The following MAGI2 variants were observed in gnomAD, a reference collection of about 807,000 sequenced individuals.
The protein encoded by MAGI2 is membrane associated guanylate kinase, WW and PDZ domain containing 2.
In MAGI2, 35 loss-of-function variants were observed where a neutral mutation model predicts 133.3. The ratio of observed to expected loss-of-function variants is 0.26; its 90% CI spans 0.20 to 0.35. The LOEUF (loss-of-function observed/expected upper bound fraction) is 0.35, where lower values mean the gene tolerates loss of function less well. MAGI2 is among the 10% of genes least tolerant of loss of function. MAGI2 has a pLI of 1.00. For synonymous variants in MAGI2, 729 were observed against 710.6 expected (o/e 1.03, Z -0.41); for missense variants, 1,636 against 1,863.4 (o/e 0.88, Z 2.25).
Position 78,780,757 on chromosome 7 carries a change from GTT to G in MAGI2, c.419-153520_419-153519del, listed in dbSNP as rs1826332380. ...GTTAATTGTAGTATTTGTCAGTTCTGTTTCAGTACCGGGCCATTAGGGAAACC... is the reference window on the plus strand; with the variant it reads ...GTTAATTGTAGTATTTGTCAGTTCTGTCAGTACCGGGCCATTAGGGAAACC... On this transcript the variant is annotated intron_variant, in intron 2 of 21. Coordinates refer to ENST00000354212, the MANE Select transcript of MAGI2 (RefSeq NM_012301.4). Among the ~76,000 whole-genome samples the G allele has an allele frequency of 3.3e-5, 5 of 152,290 alleles. No homozygotes were observed. In the South Asian group the frequency reaches 1.0e-3, roughly 32 times the overall value.
intron 1 of MAGI2, among the ~76,000 whole-genome samples, chr7:79,192,175 G>C (rs1247055266): frequency 1.3e-5 from 2 of 151,682 alleles, no homozygotes; most frequent in African/African-American, 2.4e-5. Flanking sequence ...TTTTACCATA[G>C]AACTTATCAC....
intron 10 of MAGI2, among the ~76,000 whole-genome samples, chr7:78,222,447 C>A (rs1788923844): frequency 6.6e-6 from 1 of 152,208 alleles, no homozygotes. Flanking sequence ...TTAATCCTCA[C>A]AACAACCACG....
chr7:79,258,542 A>G (rs974592524), intron 1 of MAGI2, among the ~76,000 whole-genome samples: 1 of 152,160 alleles, frequency 6.6e-6, no homozygotes, highest in Non-Finnish European at 1.5e-5. Context: ...TTGAAGGATT[A>G]CTTTGGCGTA....
Position 78,901,684 on chromosome 7 carries a change from T to A in MAGI2, c.418+105406A>T, listed in dbSNP as rs561872195. ...CAAATGAAATATACTTTTTTTTTTT[T>A]AAGTAAAAGGGCTTCTATTCACCGT... On this transcript the variant is annotated intron_variant, in intron 2 of 21. Transcript: ENST00000354212. Among the ~76,000 whole-genome samples the A allele has an allele frequency of 2.0e-5, 3 of 148,680 alleles. No homozygotes were observed. In the South Asian group the frequency reaches 6.3e-4, roughly 31 times the overall value.
At chr7:78,341,747 G>A (rs2151180605) in intron 9 of MAGI2, among the ~76,000 whole-genome samples, 1 of 152,240 alleles carries the variant, frequency 6.6e-6, no homozygotes, top group South Asian at 2.1e-4. Context: ...TGGGAAAACT[G>A]GCTAGCCATA....
intron 2 of MAGI2, among the ~76,000 whole-genome samples, chr7:78,969,616 A>G (rs548996002): frequency 1.3e-5 from 2 of 152,148 alleles, no homozygotes; most frequent in South Asian, 4.1e-4. Flanking sequence ...GTTTATAGCC[A>G]AAAACATTCT....
chr7:78,732,154 CCTG>C (rs372775215), intron 2 of MAGI2, among the ~76,000 whole-genome samples: 117 of 152,256 alleles, frequency 7.7e-4, no homozygotes, highest in African/African-American at 2.7e-3. Context: ...TCATCTCCGT[CCTG>C]CTGTTTATGT....
intron 21 of MAGI2, among the ~76,000 whole-genome samples, chr7:78,044,236 C>T (rs1811161149): frequency 6.6e-6 from 1 of 152,158 alleles, no homozygotes; most frequent in African/African-American, 2.4e-5. Flanking sequence ...AGTTTGTCAT[C>T]CATTATTTCT....
intron 2 of MAGI2, among the ~76,000 whole-genome samples, chr7:78,757,510 C>G (rs1482618667): frequency 5.3e-5 from 8 of 152,230 alleles, no homozygotes; most frequent in Admixed American, 5.2e-4. Flanking sequence ...CAAAATAAAA[C>G]TTAAAAGAAT....
At chr7:78,874,464 T>A (rs1163294937) in intron 2 of MAGI2, among the ~76,000 whole-genome samples, 3 of 152,162 alleles carry the variant, frequency 2.0e-5, no homozygotes, top group Admixed American at 2.0e-4. Context: ...CCAAGGATAA[T>A]CATTATAAAA....
intron 2 of MAGI2, among the ~76,000 whole-genome samples, chr7:78,662,986 G>A (rs532096104): frequency 2.6e-5 from 4 of 152,194 alleles, no homozygotes; most frequent in African/African-American, 9.6e-5. Context: ...AGGTTACACA[G>A]ATAATATATA....
At chr7:78,914,517 C>CT (rs1290178256) in intron 2 of MAGI2, among the ~76,000 whole-genome samples, 5 of 151,990 alleles carry the variant, frequency 3.3e-5, no homozygotes, top group African/African-American at 1.2e-4. Flanking sequence ...CTTTTGTGCC[C>CT]TGGAGTAACT....
At chr7:78,776,835 A>G (rs1362719089) in intron 2 of MAGI2, among the ~76,000 whole-genome samples, 4 of 152,188 alleles carry the variant, frequency 2.6e-5, no homozygotes, top group African/African-American at 9.6e-5. Context: ...TCTTTTTTCA[A>G]TGAAATAAGT....
At chr7:78,960,061 C>T (rs1020829031) in intron 2 of MAGI2, among the ~76,000 whole-genome samples, 1 of 151,982 alleles carries the variant, frequency 6.6e-6, no homozygotes, top group Non-Finnish European at 1.5e-5. Flanking sequence ...TAAGTAGATA[C>T]CAATACCACT....
chr7:78,576,367 G>C (rs1339005261), intron 3 of MAGI2, among the ~76,000 whole-genome samples: 2 of 152,126 alleles, frequency 1.3e-5, no homozygotes, highest in African/African-American at 4.8e-5. Context: ...TTTTATGTTT[G>C]AATCTATTGG....
intron 16 of MAGI2, among the ~76,000 whole-genome samples, chr7:78,138,958 A>G (rs1236580009): frequency 6.6e-6 from 1 of 152,220 alleles, no homozygotes; most frequent in Non-Finnish European, 1.5e-5. Context: ...CTTAGTTTGG[A>G]AAAGCTTGCT....
chr7:79,292,501 A>C (rs1235074751), intron 1 of MAGI2, among the ~76,000 whole-genome samples: 1 of 151,710 alleles, frequency 6.6e-6, no homozygotes, highest in East Asian at 1.9e-4. Context: ...GTCTGGTGGC[A>C]TGTGCCTGTA....
intron 1 of MAGI2, among the ~76,000 whole-genome samples, chr7:79,405,038 A>G (rs949490185): frequency 6.6e-6 from 1 of 152,124 alleles, no homozygotes; most frequent in Admixed American, 6.5e-5. Flanking sequence ...GGAGCTGGCC[A>G]TGGACCAAAC....
At chr7:79,373,833 C>A (rs1843208001) in intron 1 of MAGI2, among the ~76,000 whole-genome samples, 1 of 151,984 alleles carries the variant, frequency 6.6e-6, no homozygotes, top group African/African-American at 2.4e-5. Flanking sequence ...TGTGAATTGA[C>A]TATGACCTAA....
Sources: allele counts gnomAD v4.1 joint callset (sites outside exome capture counted in the v4.1 genomes callset), GRCh38; gene constraint gnomAD v4.1.1; transcripts MANE v1.5; gene names NCBI Gene and HGNC (gene_info 2026-07-23, HGNC 2026-07-21).